WWOX: variants seen among roughly 807,000 people sequenced by gnomAD.
The protein encoded by WWOX is WW domain-containing oxidoreductase.
WWOX carries 69 observed loss-of-function variants against 46.2 expected under a neutral mutation model. The observed-to-expected ratio is 1.49, with a 90% confidence interval of 1.23 to 1.82. WWOX has a LOEUF of 1.82. Among genes scored for constraint, WWOX ranks in the 40% most tolerant of loss-of-function variants. The pLI is 0.00. For synonymous variants in WWOX, 359 were observed against 202.6 expected (o/e 1.77, Z -6.56); for missense variants, 919 against 542.6 (o/e 1.69, Z -6.89).
chr16:78,801,151 C>G (rs1037348764), intron 8 of WWOX, among the ~76,000 whole-genome samples: 47 of 151,868 alleles, frequency 3.1e-4, no homozygotes, highest in Non-Finnish European at 2.1e-4. Flanking sequence ...CCTCTGCCTC[C>G]CAGGTTCAAG....
At chr16:79,027,466 T>A (rs1336344972) in intron 8 of WWOX, among the ~76,000 whole-genome samples, 1 of 151,738 alleles carries the variant, frequency 6.6e-6, no homozygotes, top group South Asian at 2.1e-4. Context: ...TTATTGATAC[T>A]AAGAAGAGCC....
At chr16:78,382,147 A>G (rs969546928) in intron 5 of WWOX, among the ~76,000 whole-genome samples, 2 of 152,208 alleles carry the variant, frequency 1.3e-5, no homozygotes, top group African/African-American at 4.8e-5. Flanking sequence ...GACAGGGACC[A>G]AGTCATGGAC....
At chr16:78,815,170 C>A (rs1294597534) in intron 8 of WWOX, among the ~76,000 whole-genome samples, 1 of 151,976 alleles carries the variant, frequency 6.6e-6, no homozygotes. Flanking sequence ...ACTAAAAATA[C>A]AAAAATTAAC....
intron 4 of WWOX, among the ~76,000 whole-genome samples, chr16:78,154,411 G>T (rs1017520462): frequency 6.6e-6 from 1 of 150,482 alleles, no homozygotes; most frequent in Admixed American, 6.6e-5. Flanking sequence ...CACAGTTTTC[G>T]CTTGCTTCAT....
At chr16:78,484,521 C>G (rs940098088) in intron 8 of WWOX, among the ~76,000 whole-genome samples, 1 of 152,138 alleles carries the variant, frequency 6.6e-6, no homozygotes, top group Non-Finnish European at 1.5e-5. Flanking sequence ...GCATTTATAT[C>G]TGCGTGTTAT....
intron 8 of WWOX, among the ~76,000 whole-genome samples, chr16:79,138,050 C>T (rs932464899): frequency 6.6e-6 from 1 of 152,146 alleles, no homozygotes; most frequent in Non-Finnish European, 1.5e-5. Context: ...CCTGTGGGTT[C>T]TTGTTAATAC....
rs72528104 is a variant in WWOX, at chr16:78,947,380, C to CG, written c.1057-264228_1057-264227insG. Among the ~76,000 whole-genome samples the CG allele has an allele frequency of 2.8e-3, 404 of 145,062 alleles. 2 individuals are homozygous for CG. The highest frequency in any genetic ancestry group is 0.011 in the African/African-American group (386 of 34,782). On this transcript the variant is annotated intron_variant, in intron 8 of 8. Transcript: ENST00000566780. The stretch of plus-strand genomic sequence containing the variant: ...GCATTTGTTATTTTTCTCTTCCCCC[C>CG]CTTAGCTGTATCCCTGCATTTATTA...
chr16:78,724,822 C>A (rs1033975156), intron 8 of WWOX, among the ~76,000 whole-genome samples: 1 of 152,120 alleles, frequency 6.6e-6, no homozygotes, highest in East Asian at 1.9e-4. Flanking sequence ...TGTAGTTTTT[C>A]AGACATATCT....
At chr16:78,949,764 C>T (rs2151300591) in intron 8 of WWOX, among the ~76,000 whole-genome samples, 1 of 152,194 alleles carries the variant, frequency 6.6e-6, no homozygotes, top group East Asian at 1.9e-4. Flanking sequence ...AGGTTTTCCT[C>T]TTGAAGGATT....
chr16:78,686,872 T>C (rs537637525), intron 8 of WWOX, among the ~76,000 whole-genome samples: 18 of 152,306 alleles, frequency 1.2e-4, no homozygotes, highest in African/African-American at 3.8e-4. Context: ...TGTTCTTCTT[T>C]TCAAAAGGCA....
At chr16:79,001,791 C>T (rs1243296637) in intron 8 of WWOX, among the ~76,000 whole-genome samples, 1 of 152,122 alleles carries the variant, frequency 6.6e-6, no homozygotes, top group East Asian at 1.9e-4. Context: ...GAAAGCCTCT[C>T]TGCAGTGAAC....
intron 8 of WWOX, among the ~76,000 whole-genome samples, chr16:79,053,635 A>G (rs2048210050): frequency 6.6e-6 from 1 of 152,186 alleles, no homozygotes; most frequent in Non-Finnish European, 1.5e-5. Flanking sequence ...AATTTCTTTA[A>G]TGTTTTAAAT....
At chr16:78,384,901 C>A (rs376755511) in intron 5 of WWOX, among the ~76,000 whole-genome samples, 3 of 151,928 alleles carry the variant, frequency 2.0e-5, no homozygotes, top group South Asian at 2.1e-4. Context: ...TTTCGGAGGC[C>A]GGGGTGGGTG....
At chr16:78,563,148 T>A (rs117762874) in intron 8 of WWOX, among the ~76,000 whole-genome samples, 2,692 of 152,252 alleles carry the variant, frequency 0.018, 46 homozygotes, top group African/African-American at 0.042. Context: ...CAGTGCGATT[T>A]CTCCAAAAGG....
intron 8 of WWOX, among the ~76,000 whole-genome samples, chr16:78,717,854 C>T (rs934445810): frequency 6.6e-6 from 1 of 152,160 alleles, no homozygotes; most frequent in Non-Finnish European, 1.5e-5. Flanking sequence ...GTCTTTCCCA[C>T]CTGTTTGGTG....
intron 8 of WWOX, among the ~76,000 whole-genome samples, chr16:78,689,202 G>A (rs8049306): frequency 0.69 from 104,202 of 151,868 alleles, 36,402 homozygotes; most frequent in South Asian, 0.74. Flanking sequence ...GCCCAAAATG[G>A]CAGTAGTGAC....
intron 8 of WWOX, among the ~76,000 whole-genome samples, chr16:78,935,922 A>T (rs1273231682): frequency 6.6e-6 from 1 of 152,052 alleles, no homozygotes; most frequent in Admixed American, 6.5e-5. Flanking sequence ...AAAATAAAAT[A>T]AAATAAAATA....
At chr16:78,888,649 G>C (rs1014807898) in intron 8 of WWOX, among the ~76,000 whole-genome samples, 1 of 152,066 alleles carries the variant, frequency 6.6e-6, no homozygotes, top group Non-Finnish European at 1.5e-5. Flanking sequence ...TTATTTTTAT[G>C]TTGCCACTAG....
chr16:78,762,483 A>G (rs569492138), intron 8 of WWOX, among the ~76,000 whole-genome samples: 1 of 152,334 alleles, frequency 6.6e-6, no homozygotes, highest in African/African-American at 2.4e-5. Flanking sequence ...TTATGTGCTC[A>G]GCCTGTGGTG....
Sources: gnomAD v4.1 joint callset for allele counts (sites outside exome capture counted in the v4.1 genomes callset) on GRCh38, gnomAD v4.1.1 for gene constraint, MANE v1.5 for transcripts, NCBI Gene and HGNC (gene_info 2026-07-23, HGNC 2026-07-21) for gene names.